The following NAALAD2 variants were observed in gnomAD, a reference collection of about 807,000 sequenced individuals.
NAALAD2 encodes the protein N-acetylated alpha-linked acidic dipeptidase 2.
In NAALAD2, 89 loss-of-function variants were observed where a neutral mutation model predicts 95.6. The observed-to-expected ratio is 0.93, with a 90% CI of 0.78 to 1.11. NAALAD2 has a LOEUF of 1.11. Among genes scored for constraint, NAALAD2 ranks in the 50% least tolerant of loss-of-function variants. The pLI is 0.00. For synonymous variants in NAALAD2, 264 were observed against 294.4 expected, an observed-to-expected ratio of 0.90 and a Z score of 1.06; for missense variants, 894 against 872.4, an observed-to-expected ratio of 1.02 and a Z score of -0.31.
At chr11:90,139,138 G>A (rs1351969209) in intron 2 of NAALAD2, among the ~76,000 whole-genome samples, 2 of 152,058 alleles carry the variant, frequency 1.3e-5, no homozygotes, top group Non-Finnish European at 2.9e-5. Flanking sequence ...AATTTTAAAA[G>A]GCAATCCCTT....
chr11:90,184,868 A>C (rs1857086816), intron 18 of NAALAD2, among the ~76,000 whole-genome samples: 1 of 152,174 alleles, frequency 6.6e-6, no homozygotes, highest in Admixed American at 6.5e-5. Flanking sequence ...TATTTGAAAA[A>C]AAAATGAATG....
chr11:90,144,949 C>T (rs1951715066), intron 2 of NAALAD2, among the ~76,000 whole-genome samples: 1 of 151,994 alleles, frequency 6.6e-6, no homozygotes, highest in South Asian at 2.1e-4. Flanking sequence ...TTCTTTTTAA[C>T]AGAGCCTCAA....
At chr11:90,177,570 A>AT (rs1347936298) in intron 15 of NAALAD2, among the ~76,000 whole-genome samples, 1 of 38,568 alleles carries the variant, frequency 2.6e-5, no homozygotes, top group Non-Finnish European at 5.9e-5. Flanking sequence ...ATATGGTTGT[A>AT]TTTTTTCTTT....
chr11:90,174,458 T>C (rs968263623), intron 14 of NAALAD2, among the ~76,000 whole-genome samples: 4 of 152,316 alleles, frequency 2.6e-5, no homozygotes, highest in African/African-American at 9.6e-5. Flanking sequence ...CAAAATAGTT[T>C]CGCTACATTA....
intron 4 of NAALAD2, among the ~76,000 whole-genome samples, chr11:90,149,456 C>T (rs1951832494): frequency 1.3e-5 from 2 of 151,996 alleles, no homozygotes; most frequent in Admixed American, 6.6e-5. Context: ...TTTTTTGAGA[C>T]AGAGTTTCGC....
chr11:90,187,009 G>C (rs544108858), intron 18 of NAALAD2, among the ~76,000 whole-genome samples: 135 of 151,310 alleles, frequency 8.9e-4, no homozygotes, highest in South Asian at 3.4e-3. Context: ...AAAAGTGGGC[G>C]AAGGACATGA....
chr11:90,155,186 GTA>G (rs201920663), intron 6 of NAALAD2, among the ~76,000 whole-genome samples: 5,156 of 125,976 alleles, frequency 0.041, 386 homozygotes, highest in African/African-American at 0.15. Flanking sequence ...TACATAATAT[GTA>G]TATATGTGTG....
intron 18 of NAALAD2, 117 bp from the exon 19 acceptor site, chr11:90,191,438 GTCT>G (rs139699213): frequency 0.072 from 43,315 of 602,430 alleles, 1,899 homozygotes; most frequent in Non-Finnish European, 0.093. Context: ...CAGATCAACT[GTCT>G]TCTTATTATA....
upstream of NAALAD2, among the ~76,000 whole-genome samples, chr11:90,133,017 G>A (rs560544599): frequency 3.3e-5 from 5 of 152,238 alleles, no homozygotes; most frequent in South Asian, 8.3e-4. Context: ...CAAGAAATAA[G>A]TTATTAGGCA....
intron 2 of NAALAD2, among the ~76,000 whole-genome samples, chr11:90,147,084 G>A (rs906923087): frequency 6.6e-6 from 1 of 152,094 alleles, no homozygotes; most frequent in Non-Finnish European, 1.5e-5. Flanking sequence ...CTGAGCCTTT[G>A]CTGATTGTAT....
chr11:90,147,266 A>T (rs763659161), intron 2 of NAALAD2, 64 bp from the exon 3 acceptor site: 45 of 1,271,662 alleles, frequency 3.5e-5, no homozygotes, highest in Non-Finnish European at 4.8e-5. Flanking sequence ...CATTTAGAAT[A>T]GTTCTTAGGC....
chr11:90,185,874 T>TTTTTTA, intron 18 of NAALAD2, among the ~76,000 whole-genome samples: 1 of 111,282 alleles, frequency 9.0e-6, no homozygotes, highest in Non-Finnish European at 2.2e-5. Flanking sequence ...TTTTTTTTTT[T>TTTTTTA]ATATACATTT....
In NAALAD2 at chr11:90,166,849, A is replaced by G. The variant is rs11018890; in HGVS notation, c.1279-2080A>G. On this transcript the variant is annotated intron_variant, in intron 11 of 18. Coordinates refer to ENST00000534061, the MANE Select transcript of NAALAD2 (RefSeq NM_005467.4). ...GATTCTGTCTCCAAAAAAAAAAAAA[A>G]AAAGAAAATGCAGATTTCCACCCGG... 1.7e-3 allele frequency among the ~76,000 whole-genome samples: 256 copies of G among 148,878 alleles called. 2 individuals carry two copies. The highest frequency in any genetic ancestry group is 3.5e-3 in the Middle Eastern group (1 of 286).
chr11:90,135,805 T>G (rs1951442405), intron 2 of NAALAD2, 135 bp downstream of exon 2: 1 of 647,480 alleles, frequency 1.5e-6, no homozygotes, highest in South Asian at 3.0e-5. Context: ...ACTTTTTTTT[T>G]TTTTTTAATG....
chr11:90,177,586 G>GTTTTTTCTTTTTTTT (rs1952833400), intron 15 of NAALAD2, among the ~76,000 whole-genome samples: 1 of 28,456 alleles, frequency 3.5e-5, no homozygotes, highest in East Asian at 1.2e-3. Context: ...TCTTTTTCTT[G>GTTTTTTCTTTTTTTT]TTTTTTTTTT....
chr11:90,187,172 A>G (rs1359021755), intron 18 of NAALAD2, among the ~76,000 whole-genome samples: 2 of 151,414 alleles, frequency 1.3e-5, no homozygotes, highest in African/African-American at 4.9e-5. Flanking sequence ...TCAGGAAACA[A>G]CAGGTGCTGG....
At chr11:90,147,224 A>G in intron 2 of NAALAD2, 106 bp from the exon 3 acceptor site, 1 of 874,174 alleles carries the variant, frequency 1.1e-6, no homozygotes, top group South Asian at 1.8e-5. Flanking sequence ...TCATATAGGA[A>G]TGACAACTTA....
intron 9 of NAALAD2, 43 bp downstream of exon 9, chr11:90,163,077 T>G (rs745407966): frequency 2.1e-6 from 3 of 1,411,758 alleles, no homozygotes; most frequent in African/African-American, 1.5e-5. Context: ...TTTACAAAAA[T>G]TAAAGGGTAA....
At chr11:90,170,604 G>A (rs1477635933) in intron 13 of NAALAD2, among the ~76,000 whole-genome samples, 1 of 152,170 alleles carries the variant, frequency 6.6e-6, no homozygotes, top group African/African-American at 2.4e-5. Flanking sequence ...ACACAGATTG[G>A]TAAATGAGGA....
Sources: gnomAD v4.1 joint callset for allele counts (sites outside exome capture counted in the v4.1 genomes callset) on GRCh38, gnomAD v4.1.1 for gene constraint, MANE v1.5 for transcripts, NCBI Gene and HGNC (gene_info 2026-07-23, HGNC 2026-07-21) for gene names.